Variants in SCAMP1 observed in about 807,000 individuals in gnomAD.
SCAMP1 encodes the protein secretory carrier-associated membrane protein 1.
SCAMP1 carries 15 observed loss-of-function variants against 41.8 expected under a neutral mutation model. The ratio of observed to expected loss-of-function variants is 0.36; its 90% CI spans 0.24 to 0.55. SCAMP1 has a LOEUF of 0.55. Among genes scored for constraint, SCAMP1 ranks in the 20% least tolerant of loss-of-function variants. The pLI, the probability that SCAMP1 is intolerant of heterozygous loss-of-function variation, is 0.86. For missense variants in SCAMP1, 341 were observed against 412.6 expected (o/e 0.83, Z 1.50); for synonymous variants, 135 against 136.8 (o/e 0.99, Z 0.09).
chr5:78,460,744 CCTT>C (rs1580715024), intron 8 of SCAMP1, among the ~76,000 whole-genome samples: 84 of 3,186 alleles, frequency 0.026, no homozygotes, highest in East Asian at 0.12. Flanking sequence ...TTTCTTTTCT[CCTT>C]CCTTCCTTCC....
intron 2 of SCAMP1, among the ~76,000 whole-genome samples, chr5:78,399,130 C>T (rs922652111): frequency 3.3e-5 from 5 of 152,290 alleles, no homozygotes; most frequent in Non-Finnish European, 5.9e-5. Flanking sequence ...GTTCCTCTGT[C>T]TTTTCATGGC....
intron 1 of SCAMP1, among the ~76,000 whole-genome samples, chr5:78,379,110 A>G (rs1372337186): frequency 1.3e-5 from 2 of 152,208 alleles, no homozygotes; most frequent in African/African-American, 4.8e-5. Context: ...AGGAATTAGG[A>G]ATTGGAAAGT....
chr5:78,436,671 T>C (rs950680857), intron 6 of SCAMP1, among the ~76,000 whole-genome samples: 2 of 152,228 alleles, frequency 1.3e-5, no homozygotes, highest in Non-Finnish European at 2.9e-5. Context: ...CCTCCAGCTT[T>C]GTTCTTTTTG....
chr5:78,437,391 A>G (rs1328929944), intron 6 of SCAMP1, among the ~76,000 whole-genome samples: 1 of 152,266 alleles, frequency 6.6e-6, no homozygotes, highest in Non-Finnish European at 1.5e-5. Flanking sequence ...TGTCCCATCA[A>G]TACCTAGTTT....
At chr5:78,423,111 G>T (rs78378008) in intron 6 of SCAMP1, among the ~76,000 whole-genome samples, 745 of 152,148 alleles carry the variant, frequency 4.9e-3, no homozygotes, top group Admixed American at 9.6e-3. Flanking sequence ...ACAGGAGATG[G>T]GAGAACATTA....
chr5:78,470,806 A>G (rs1209853737), intron 8 of SCAMP1, among the ~76,000 whole-genome samples: 1 of 152,094 alleles, frequency 6.6e-6, no homozygotes, highest in Non-Finnish European at 1.5e-5. Context: ...CCTTGCCAAC[A>G]CTTGTGATTT....
rs563236577 is a variant in SCAMP1 at position 78,436,836 on chromosome 5, T to C, written c.633-13097T>C. On this transcript the variant is annotated intron_variant, in intron 6 of 8. Transcript: ENST00000621999. ...GGGCAGTATGGCCATTTTCACGATA[T>C]TGATTCTTCCTATACATGGGCATGG... Among the ~76,000 whole-genome samples the C allele has an allele frequency of 1.6e-4, 24 of 152,336 alleles. 1 individual carries two copies. The highest frequency in any genetic ancestry group is 1.2e-3 in the Admixed American group (18 of 15,304).
intron 8 of SCAMP1, among the ~76,000 whole-genome samples, chr5:78,469,623 TG>T (rs1561290751): frequency 6.6e-6 from 1 of 151,918 alleles, no homozygotes; most frequent in Non-Finnish European, 1.5e-5. Flanking sequence ...TTTCGTAGAT[TG>T]GTGAGTATTT....
chr5:78,362,193 TA>T (rs1352531722), intron 1 of SCAMP1, among the ~76,000 whole-genome samples: 1 of 152,228 alleles, frequency 6.6e-6, no homozygotes, highest in Non-Finnish European at 1.5e-5. Flanking sequence ...AGACCGTTCA[TA>T]AATTGTTAAA....
rs563631877 is a variant in SCAMP1 at position 78,370,783 on chromosome 5, A to G, written c.57+10055A>G. ...TTTTCCAAAGTGGCTGTACCATTTT[A>G]TATTCCTGCTAGCAGTGTATGGGTA... is the stretch of plus-strand genomic sequence containing the variant. On this transcript the variant is annotated intron_variant, in intron 1 of 8. Coordinates refer to ENST00000621999, the MANE Select transcript of SCAMP1 (RefSeq NM_004866.6). 11 of 152,252 alleles carry G rather than the reference A, an allele frequency of 7.2e-5. 1 individual carries two copies. In the East Asian group the frequency reaches 1.9e-3, roughly 27 times the overall value. The allele number at this position is 152,252 out of a possible 1,614,324, so 9.4% of individuals were successfully genotyped here. A position where few individuals can be genotyped will look rare whatever the true frequency, so the allele number is the denominator to read the frequency against.
chr5:78,370,275 T>C (rs1434550710), intron 1 of SCAMP1, among the ~76,000 whole-genome samples: 2 of 152,212 alleles, frequency 1.3e-5, no homozygotes, highest in Admixed American at 6.5e-5. Context: ...CTTGCAAATA[T>C]TGTAAGATGT....
intron 1 of SCAMP1, among the ~76,000 whole-genome samples, chr5:78,380,145 C>T (rs182304351): frequency 3.9e-5 from 6 of 152,218 alleles, no homozygotes. Context: ...TTTACAACTG[C>T]ATAATGATAC....
chr5:78,378,216 A>G (rs1751113042), intron 1 of SCAMP1, among the ~76,000 whole-genome samples: 1 of 152,240 alleles, frequency 6.6e-6, no homozygotes, highest in South Asian at 2.1e-4. Flanking sequence ...TAGTAAGTGT[A>G]TATATAATGT....
rs572694877 is a variant in SCAMP1, at chr5:78,439,113, C to T, written c.633-10820C>T. 1.1e-4 allele frequency among the ~76,000 whole-genome samples: 17 copies of T among 152,276 alleles called. No homozygotes were observed. In the East Asian group the frequency reaches 2.7e-3, roughly 24 times the overall value. On this transcript the variant is annotated intron_variant, in intron 6 of 8. Transcript: ENST00000621999. ...TATTTTGAGCCTATGTGTGTCTCTGCAGGTGAGATGGGTCTCCTGAATACA... is the reference window on the plus strand; with the variant it reads ...TATTTTGAGCCTATGTGTGTCTCTGTAGGTGAGATGGGTCTCCTGAATACA...
intron 6 of SCAMP1, 66 bp from the exon 7 acceptor site, chr5:78,449,867 A>T: frequency 1.3e-6 from 1 of 798,816 alleles, no homozygotes; most frequent in Non-Finnish European, 2.0e-6. Flanking sequence ...GAGAAAAATG[A>T]CGTTTTTCCC....
intron 1 of SCAMP1, among the ~76,000 whole-genome samples, chr5:78,377,483 A>T (rs1166356189): frequency 6.6e-6 from 1 of 152,190 alleles, no homozygotes; most frequent in Non-Finnish European, 1.5e-5. Flanking sequence ...TGGGCCTGCC[A>T]GGTTTCCTCG....
chr5:78,457,148 G>A (rs527525850), intron 7 of SCAMP1, among the ~76,000 whole-genome samples: 2 of 150,278 alleles, frequency 1.3e-5, no homozygotes, highest in African/African-American at 5.0e-5. Context: ...CCGTAGCTCA[G>A]AGTAATTTGA....
intron 1 of SCAMP1, among the ~76,000 whole-genome samples, chr5:78,364,114 T>C (rs991217212): frequency 5.3e-5 from 8 of 152,242 alleles, no homozygotes; most frequent in Admixed American, 2.6e-4. Flanking sequence ...ATTCAACAAA[T>C]ACTGAAGAAG....
intron 2 of SCAMP1, among the ~76,000 whole-genome samples, chr5:78,409,578 A>G (rs1054413293): frequency 1.4e-4 from 22 of 152,182 alleles, no homozygotes; most frequent in African/African-American, 4.8e-4. Flanking sequence ...TGGCTAATCC[A>G]CTATGTTGTG....
Sources: allele counts gnomAD v4.1 joint callset (sites outside exome capture counted in the v4.1 genomes callset), GRCh38; gene constraint gnomAD v4.1.1; transcripts MANE v1.5; gene names NCBI Gene and HGNC (gene_info 2026-07-23, HGNC 2026-07-21).